The following SORCS2 variants were observed in gnomAD, a reference collection of about 807,000 sequenced individuals.
The protein encoded by SORCS2 is sortilin related VPS10 domain containing receptor 2, also known as VPS10 domain-containing receptor SorCS2.
A neutral mutation model predicts 141.6 loss-of-function variants in SORCS2; 100 were observed. The observed-to-expected ratio is 0.71, with a 90% CI of 0.60 to 0.83. SORCS2 has a LOEUF of 0.83. Among genes scored for constraint, SORCS2 ranks in the 40% least tolerant of loss-of-function variants. The pLI is 0.00. For missense variants in SORCS2, 1,646 were observed against 1,560.2 expected (o/e 1.05, Z -0.93); for synonymous variants, 789 against 676.9 (o/e 1.17, Z -2.57).
chr4:7,309,676 TG>T (rs1280122930), intron 1 of SORCS2, among the ~76,000 whole-genome samples: 2 of 151,968 alleles, frequency 1.3e-5, no homozygotes, highest in African/African-American at 4.8e-5. Context: ...GTTTGAGGAG[TG>T]GTTACCATAC....
intron 1 of SORCS2, among the ~76,000 whole-genome samples, chr4:7,374,191 CTTTCT>C (rs1722481593): frequency 6.4e-5 from 9 of 140,514 alleles, no homozygotes; most frequent in African/African-American, 2.1e-4. Flanking sequence ...TTCTTTCTTT[CTTTCT>C]TTTTTGCAGA....
chr4:7,536,952 G>A (rs1322883499), intron 3 of SORCS2, among the ~76,000 whole-genome samples: 1 of 152,128 alleles, frequency 6.6e-6, no homozygotes, highest in Non-Finnish European at 1.5e-5. Flanking sequence ...CCAGCCGGTA[G>A]AGAGAACAGA....
At chr4:7,378,399 A>G (rs1560233011) in intron 1 of SORCS2, among the ~76,000 whole-genome samples, 3 of 121,486 alleles carry the variant, frequency 2.5e-5, no homozygotes, top group South Asian at 5.7e-4. Context: ...ACAGTTCCAC[A>G]TGGCTGGGGA....
At chr4:7,650,048 T>G (rs965865988) in intron 4 of SORCS2, among the ~76,000 whole-genome samples, 11 of 152,176 alleles carry the variant, frequency 7.2e-5, no homozygotes, top group Admixed American at 6.5e-5. Flanking sequence ...GCTTGAGCCT[T>G]CCTTCCTTCC....
At chr4:7,403,444 A>G (rs906767710) in intron 2 of SORCS2, among the ~76,000 whole-genome samples, 1 of 152,096 alleles carries the variant, frequency 6.6e-6, no homozygotes, top group Non-Finnish European at 1.5e-5. Flanking sequence ...TTGCCAAGCC[A>G]TGGTCAGGTT....
chr4:7,193,221 A>G lies in SORCS2; in HGVS notation c.480+95A>G, dbSNP rs575056296. 5.6e-5 allele frequency: 72 copies of G among 1,297,200 alleles called. No homozygotes were observed. The highest frequency in any genetic ancestry group is 6.1e-5 in the Non-Finnish European group (62 of 1,019,748). The allele number at this position is 1,297,200 out of a possible 1,614,324, so 80.4% of individuals were successfully genotyped here. A position where few individuals can be genotyped will look rare whatever the true frequency, so the allele number is the denominator to read the frequency against. On this transcript the variant is annotated intron_variant, in intron 1 of 26. Transcript: ENST00000507866. This position sits in a 1 kb window ranked among gnomAD's most constrained non-coding sequence, Gnocchi z 4.8. ...ACGGCCCCCACCCCAGATCCCCACTATGGTCATCAGGGGCGGGTTCTTGGC... is the reference window on the plus strand; with the variant it reads ...ACGGCCCCCACCCCAGATCCCCACTGTGGTCATCAGGGGCGGGTTCTTGGC...
chr4:7,458,036 A>T (rs988099541), intron 2 of SORCS2, among the ~76,000 whole-genome samples: 1 of 152,290 alleles, frequency 6.6e-6, no homozygotes, highest in African/African-American at 2.4e-5. Context: ...CCAAAACAAA[A>T]CTGCCCATTG....
rs529927207 is a variant in SORCS2 at position 7,293,713 on chromosome 4, G to T, written c.480+100587G>T. 2.6e-5 allele frequency among the ~76,000 whole-genome samples: 4 copies of T among 152,182 alleles called. 1 individual carries two copies. The highest frequency in any genetic ancestry group is 4.4e-5 in the Non-Finnish European group (3 of 68,038). Reference sequence around the variant, plus strand: ...TCAATGCCTTGGATTCTCTACTGGCGATCCCTATGCAGAAGGTGTCTCAGT... The same window carrying T: ...TCAATGCCTTGGATTCTCTACTGGCTATCCCTATGCAGAAGGTGTCTCAGT... On this transcript the variant is annotated intron_variant, in intron 1 of 26. Transcript: ENST00000507866.
At chr4:7,282,699 C>T (rs915031861) in intron 1 of SORCS2, among the ~76,000 whole-genome samples, 1 of 152,102 alleles carries the variant, frequency 6.6e-6, no homozygotes, top group Non-Finnish European at 1.5e-5. Context: ...GTGATTTGGT[C>T]CATAACACAC....
intron 3 of SORCS2, among the ~76,000 whole-genome samples, chr4:7,636,995 CCT>C (rs1200721354): frequency 4.6e-5 from 7 of 152,172 alleles, no homozygotes; most frequent in African/African-American, 1.7e-4. Context: ...AGATGTGTCC[CCT>C]GTCTCTGCCT....
At position 7,725,166 on chromosome 4, in the gene SORCS2, C is replaced by T. The variant is rs1423787568; in HGVS notation, c.2624C>T (p.Ala875Val). 1 of 1,613,246 alleles carries T rather than the reference C, an allele frequency of 6.2e-7. No individual in the cohort carries two copies. The highest frequency in any genetic ancestry group is 1.3e-5 in the African/African-American group (1 of 75,020). The change falls in exon 20 of 27, where the codon GCC becomes GTC. Residue 875 changes from alanine to valine, a missense_variant. By Grantham distance (64) the Ala-to-Val change is moderately conservative. Transcript: ENST00000507866. ...TGGGTCCCCACAGCCCCCCTGCAGGCCCTCTACCTGGAGGTGGTTCCTGTC... is the reference window on the plus strand; with the variant it reads ...TGGGTCCCCACAGCCCCCCTGCAGGTCCTCTACCTGGAGGTGGTTCCTGTC... ...LFVQVNSPLQ[A>V]LYLEVVPVIG...
At chr4:7,617,862 C>T (rs1467471476) in intron 3 of SORCS2, among the ~76,000 whole-genome samples, 1 of 152,088 alleles carries the variant, frequency 6.6e-6, no homozygotes, top group Non-Finnish European at 1.5e-5. Flanking sequence ...TCCTCTGAGC[C>T]GCCTACCGGT....
intron 2 of SORCS2, among the ~76,000 whole-genome samples, chr4:7,405,762 A>G (rs752078900): frequency 4.6e-5 from 7 of 152,112 alleles, no homozygotes; most frequent in Admixed American, 6.6e-5. Flanking sequence ...TTTTCCAGCT[A>G]TAAGATCATG....
chr4:7,713,090 G>A (rs1253040297), intron 15 of SORCS2, among the ~76,000 whole-genome samples: 3 of 152,052 alleles, frequency 2.0e-5, no homozygotes, highest in Non-Finnish European at 2.9e-5. Context: ...GGAGTGTGGG[G>A]CTACAGGGGC....
At chr4:7,738,681 A>G (rs1285526639) in intron 26 of SORCS2, among the ~76,000 whole-genome samples, 1 of 152,154 alleles carries the variant, frequency 6.6e-6, no homozygotes, top group East Asian at 1.9e-4. Flanking sequence ...CACACTCTGC[A>G]TCCGGGACAT....
chr4:7,311,167 C>T (rs887039343), intron 1 of SORCS2, among the ~76,000 whole-genome samples: 5 of 152,154 alleles, frequency 3.3e-5, no homozygotes, highest in African/African-American at 7.2e-5. Flanking sequence ...CCTAGAATTT[C>T]GTCTCTGCAG....
chr4:7,476,328 A>G (rs1363603136), intron 2 of SORCS2, among the ~76,000 whole-genome samples: 8 of 152,188 alleles, frequency 5.3e-5, no homozygotes. Context: ...TCAGGCCTGC[A>G]GGCTGGTAAC....
intron 1 of SORCS2, among the ~76,000 whole-genome samples, chr4:7,369,088 C>T (rs1722089482): frequency 6.6e-6 from 1 of 152,110 alleles, no homozygotes; most frequent in South Asian, 2.1e-4. Context: ...GGGTGGATCA[C>T]TTGAGGTCAG....
At position 7,282,956 on chromosome 4, in the gene SORCS2, C is replaced by T. The variant is rs561863370; in HGVS notation, c.480+89830C>T. On this transcript the variant is annotated intron_variant, in intron 1 of 26. Coordinates refer to ENST00000507866, the MANE Select transcript of SORCS2 (RefSeq NM_020777.3). ...ACTCATTCACTGATTCATTCACACTCATTAATTCATTCATTCACTCATTCA... is the reference window on the plus strand; with the variant it reads ...ACTCATTCACTGATTCATTCACACTTATTAATTCATTCATTCACTCATTCA... 2.0e-5 allele frequency among the ~76,000 whole-genome samples: 3 copies of T among 152,348 alleles called. No individual in the cohort carries two copies. In the East Asian group the frequency reaches 5.8e-4, roughly 29 times the overall value.
Sources: allele counts gnomAD v4.1 joint callset (sites outside exome capture counted in the v4.1 genomes callset), GRCh38; gene constraint gnomAD v4.1.1; non-coding constraint Gnocchi (gnomAD v3.1); transcripts MANE v1.5; gene names NCBI Gene and HGNC (gene_info 2026-07-23, HGNC 2026-07-21).